The following ADCY5 variants were observed in gnomAD, a reference collection of about 807,000 sequenced individuals.
ADCY5 encodes adenylate cyclase type 5.
ADCY5 carries 30 observed loss-of-function variants against 119.7 expected under a neutral mutation model. That is an observed-to-expected ratio of 0.25 (90% CI 0.19 to 0.34). ADCY5 has a LOEUF of 0.34. Ranked by LOEUF, ADCY5 falls within the 10% of genes least tolerant of loss-of-function variation. ADCY5 has a pLI of 1.00. For missense variants in ADCY5, 1,324 were observed against 1,775.2 expected, an observed-to-expected ratio of 0.75 and a Z score of 4.57; for synonymous variants, 753 against 762.2, an observed-to-expected ratio of 0.99 and a Z score of 0.20.
chr3:123,402,785 G>A (rs368070224), intron 1 of ADCY5, among the ~76,000 whole-genome samples: 3 of 151,222 alleles, frequency 2.0e-5, no homozygotes, highest in Middle Eastern at 3.5e-3. Context: ...CCCGGGAGGC[G>A]GAGCTTGCAG....
intron 1 of ADCY5, among the ~76,000 whole-genome samples, chr3:123,437,292 G>T (rs1224505800): frequency 6.6e-6 from 1 of 152,126 alleles, no homozygotes; most frequent in Non-Finnish European, 1.5e-5. Flanking sequence ...CTCTCAGGAA[G>T]TAACTCCCTG....
intron 1 of ADCY5, among the ~76,000 whole-genome samples, chr3:123,396,389 AAGAG>A (rs1190599522): frequency 7.6e-6 from 1 of 130,816 alleles, no homozygotes. Flanking sequence ...AAGGGAGGGA[AAGAG>A]AGAAAAAGAA....
intron 1 of ADCY5, among the ~76,000 whole-genome samples, chr3:123,353,218 G>C (rs1332428972): frequency 6.6e-6 from 1 of 152,086 alleles, no homozygotes; most frequent in Non-Finnish European, 1.5e-5. Flanking sequence ...CATTTCCCCC[G>C]CTCCCCAACA....
chr3:123,347,636 G>T (rs1165040329), intron 3 of ADCY5, 146 bp downstream of exon 3: 2 of 1,027,970 alleles, frequency 1.9e-6, no homozygotes, highest in Non-Finnish European at 2.9e-6. Flanking sequence ...ACACCTGGAG[G>T]GGTGGGGCTG....
At chr3:123,291,063 C>A (rs1362039585) in intron 18 of ADCY5, 50 bp downstream of exon 18, 1 of 1,569,400 alleles carries the variant, frequency 6.4e-7, no homozygotes, top group Non-Finnish European at 8.6e-7. Flanking sequence ...ATACCAGGGA[C>A]TTGTAGGCCC....
At chr3:123,345,256 G>C (rs945460757) in intron 3 of ADCY5, among the ~76,000 whole-genome samples, 1 of 152,230 alleles carries the variant, frequency 6.6e-6, no homozygotes, top group Non-Finnish European at 1.5e-5. Flanking sequence ...TGGGAGAAGA[G>C]ATGGTGAGAG....
chr3:123,312,416 C>T (rs1559796910), intron 12 of ADCY5, among the ~76,000 whole-genome samples: 1 of 151,106 alleles, frequency 6.6e-6, no homozygotes, highest in Non-Finnish European at 1.5e-5. Flanking sequence ...ATAAAATCTG[C>T]CATTTTAACC....
At position 123,393,294 on chromosome 3, in the gene ADCY5, G is replaced by A. The variant is rs185619490; in HGVS notation, c.1135-40713C>T. ...TGGCCGGGTGCAGTGGCTCCTGCCT[G>A]TAATCCCAGCACTTTGGGAGGCAGA... On this transcript the variant is annotated intron_variant, in intron 1 of 20. Coordinates refer to ENST00000462833, the MANE Select transcript of ADCY5 (RefSeq NM_183357.3). Among the ~76,000 whole-genome samples, 67 of 152,248 alleles carry A rather than the reference G, an allele frequency of 4.4e-4. 1 individual carries two copies. The East Asian group carries it at 0.012, about 27-fold the overall frequency.
At chr3:123,374,757 A>G (rs1211468369) in intron 1 of ADCY5, among the ~76,000 whole-genome samples, 1 of 148,578 alleles carries the variant, frequency 6.7e-6, no homozygotes, top group Non-Finnish European at 1.5e-5. Flanking sequence ...CACTCAAGAG[A>G]CGGGGCTGGG....
chr3:123,324,372 T>C (rs1012007365), intron 8 of ADCY5, among the ~76,000 whole-genome samples: 2 of 148,524 alleles, frequency 1.3e-5, no homozygotes, highest in East Asian at 2.0e-4. Context: ...TTGTGCAACA[T>C]GCCCCTCCTT....
chr3:123,335,158 C>A (rs1941961052), intron 3 of ADCY5, among the ~76,000 whole-genome samples: 2 of 152,112 alleles, frequency 1.3e-5, no homozygotes, highest in Non-Finnish European at 2.9e-5. Context: ...CCCTACATAC[C>A]GAGCCAGCGC....
intron 1 of ADCY5, among the ~76,000 whole-genome samples, chr3:123,357,691 G>T (rs189353514): frequency 3.3e-5 from 5 of 152,228 alleles, no homozygotes; most frequent in Admixed American, 2.6e-4. Flanking sequence ...AAGTGAAAAA[G>T]AGATTAATAG....
intron 1 of ADCY5, among the ~76,000 whole-genome samples, chr3:123,388,741 C>T (rs1274111481): frequency 6.6e-6 from 1 of 152,188 alleles, no homozygotes; most frequent in Non-Finnish European, 1.5e-5. Flanking sequence ...CCAGAGCAAG[C>T]AGTGCCAGGT....
At chr3:123,318,805 C>T (rs558578912) in intron 10 of ADCY5, among the ~76,000 whole-genome samples, 4 of 152,256 alleles carry the variant, frequency 2.6e-5, no homozygotes, top group African/African-American at 7.2e-5. Context: ...CTGACTGGAC[C>T]AGGGTCTGAC....
At chr3:123,334,619 T>C (rs183241832) in intron 3 of ADCY5, among the ~76,000 whole-genome samples, 1 of 152,212 alleles carries the variant, frequency 6.6e-6, no homozygotes, top group Non-Finnish European at 1.5e-5. Context: ...GCACCTGTAA[T>C]CTCAGCTACT....
At chr3:123,372,220 A>C (rs550577558) in intron 1 of ADCY5, among the ~76,000 whole-genome samples, 15 of 152,226 alleles carry the variant, frequency 9.9e-5, no homozygotes, top group African/African-American at 3.6e-4. Context: ...TCGTAATCCT[A>C]GCTGCCAAAG....
At chr3:123,303,270 G>A in intron 13 of ADCY5, 51 bp from the exon 14 acceptor site, 1 of 1,575,544 alleles carries the variant, frequency 6.3e-7, no homozygotes, top group Non-Finnish European at 8.7e-7. Flanking sequence ...CTGGGGGACA[G>A]GTAGAGCAGC....
intron 1 of ADCY5, among the ~76,000 whole-genome samples, chr3:123,390,702 T>A (rs565688941): frequency 1.1e-4 from 16 of 152,292 alleles, no homozygotes; most frequent in Middle Eastern, 3.4e-3. Context: ...CATAATCCCA[T>A]GGTGATCCTG....
chr3:123,448,247 T>G lies in ADCY5; in HGVS notation c.299A>C (p.Lys100Thr), dbSNP rs1038111568. ...GCCGCCGCGCTCCTGCCAGGCGGAC[T>G]TGGAGCGGAAGCTGAAGCCGAAGCC... ...AGGFGFSFRS[K>T]SAWQERGGDD... is the part of the protein sequence containing the mutation. Residue 100 changes from lysine (K) to threonine (T), a missense_variant, in exon 1 of 21, where the codon AAG becomes ACG. Lys to Thr is a moderately conservative substitution (Grantham distance 78). Coordinates refer to ENST00000462833, the MANE Select transcript of ADCY5 (RefSeq NM_183357.3). 3.4e-6 allele frequency: 5 copies of G among 1,486,400 alleles called. No individual in the cohort carries two copies. In the African/African-American group the frequency reaches 7.2e-5, roughly 22 times the overall value. 92.1% of individuals were successfully genotyped at this position (1,486,400 alleles called of 1,614,324 possible). A position where few individuals can be genotyped will look rare whatever the true frequency, so the allele number is the denominator to read the frequency against.
Sources: allele counts gnomAD v4.1 joint callset (sites outside exome capture counted in the v4.1 genomes callset), GRCh38; gene constraint gnomAD v4.1.1; transcripts MANE v1.5; gene names NCBI Gene and HGNC (gene_info 2026-07-23, HGNC 2026-07-21).